Variants in SND1 observed in about 807,000 individuals in gnomAD.
The protein encoded by SND1 is staphylococcal nuclease and tudor domain containing 1.
SND1 carries 38 observed loss-of-function variants against 121.7 expected under a neutral mutation model. The observed-to-expected ratio is 0.31, with a 90% CI of 0.24 to 0.41. The LOEUF (loss-of-function observed/expected upper bound fraction) is 0.41, where lower values mean the gene tolerates loss of function less well. Among genes scored for constraint, SND1 ranks in the 10% least tolerant of loss-of-function variants. The probability of loss-of-function intolerance (pLI) is 1.00; values close to 1 mark genes in which losing one functional copy is unlikely to be tolerated. For missense variants in SND1, 868 were observed against 1,184.6 expected, an observed-to-expected ratio of 0.73 and a Z score of 3.92; for synonymous variants, 401 against 447.4, an observed-to-expected ratio of 0.90 and a Z score of 1.31.
intron 17 of SND1, among the ~76,000 whole-genome samples, chr7:128,075,333 C>A (rs1165649777): frequency 6.6e-6 from 1 of 152,210 alleles, no homozygotes; most frequent in Admixed American, 6.5e-5. Flanking sequence ...GATAAATCAG[C>A]TGGCCACCAA....
chr7:127,857,447 C>T (rs978814509), intron 12 of SND1, among the ~76,000 whole-genome samples: 3 of 150,560 alleles, frequency 2.0e-5, no homozygotes, highest in South Asian at 4.2e-4. Flanking sequence ...TCGTGATCCG[C>T]CCGCCTCGCC....
intron 15 of SND1, among the ~76,000 whole-genome samples, chr7:127,963,989 T>C (rs1801796645): frequency 6.6e-6 from 1 of 151,814 alleles, no homozygotes; most frequent in South Asian, 2.1e-4. Flanking sequence ...TTGATTTGCA[T>C]TTCTCTGATG....
At chr7:127,670,526 C>T (rs1795498177) in intron 1 of SND1, among the ~76,000 whole-genome samples, 1 of 152,172 alleles carries the variant, frequency 6.6e-6, no homozygotes, top group Non-Finnish European at 1.5e-5. Flanking sequence ...AAACCAAAAA[C>T]AGATTTAATG....
At chr7:127,795,502 T>C (rs1445564969) in intron 10 of SND1, among the ~76,000 whole-genome samples, 3 of 152,244 alleles carry the variant, frequency 2.0e-5, no homozygotes, top group African/African-American at 7.2e-5. Context: ...ATATTTTTAG[T>C]GTATCAGTTC....
chr7:128,090,238 G>A (rs1267868458), intron 22 of SND1, among the ~76,000 whole-genome samples: 2 of 152,214 alleles, frequency 1.3e-5, no homozygotes, highest in African/African-American at 4.8e-5. Context: ...CTTATGAAGT[G>A]AGGGGAGGAC....
At chr7:127,820,472 A>T (rs547251392) in intron 11 of SND1, among the ~76,000 whole-genome samples, 3 of 152,284 alleles carry the variant, frequency 2.0e-5, no homozygotes, top group Admixed American at 2.0e-4. Context: ...GACAAAGATG[A>T]GTCATGTTGC....
chr7:127,852,165 AAATAAAATAAAAT>A (rs1799175700), intron 12 of SND1, among the ~76,000 whole-genome samples: 1 of 80,658 alleles, frequency 1.2e-5, no homozygotes, highest in Admixed American at 1.3e-4. Flanking sequence ...GTCTCCAAAA[AAATAAAATAAAAT>A]AAATAAAATA....
In SND1 at chr7:127,887,955, G is replaced by A. The variant is rs986156374; in HGVS notation, c.1397G>A (p.Arg466Gln). The part of the protein sequence containing the change: ...SKGLATVIRY[R>Q]QDDDQRSSHY... Reference sequence around the variant, plus strand: ...GGTCTAGCCACAGTGATCAGATACCGGCAGGATGATGACCAGAGATCATCA... The same window carrying A: ...GGTCTAGCCACAGTGATCAGATACCAGCAGGATGATGACCAGAGATCATCA... Residue 466 changes from arginine to glutamine, a missense_variant, in exon 13 of 24, where the codon CGG becomes CAG. Arg to Gln is a conservative substitution (Grantham distance 43). This residue lies in a region of SND1 where 743 missense variants were observed against 1,071.3 expected (regional missense o/e 0.69). Coordinates refer to ENST00000354725, the MANE Select transcript of SND1 (RefSeq NM_014390.4). 5.6e-6 allele frequency: 9 copies of A among 1,612,250 alleles called. No individual in the cohort carries two copies. The highest frequency in any genetic ancestry group is 1.7e-5 in the Admixed American group (1 of 59,886).
intron 10 of SND1, among the ~76,000 whole-genome samples, chr7:127,796,128 GT>G (rs2116552676): frequency 6.6e-6 from 1 of 151,430 alleles, no homozygotes; most frequent in African/African-American, 2.4e-5. Flanking sequence ...AAGTGCTGAT[GT>G]TTTCTAATCT....
intron 13 of SND1, among the ~76,000 whole-genome samples, chr7:127,902,667 A>G (rs1468887767): frequency 6.6e-6 from 1 of 152,140 alleles, no homozygotes; most frequent in East Asian, 1.9e-4. Context: ...CTGAATGATA[A>G]ATCACTAGAG....
intron 10 of SND1, among the ~76,000 whole-genome samples, chr7:127,778,196 T>TATTC (rs1370745200): frequency 2.0e-5 from 3 of 151,828 alleles, no homozygotes; most frequent in African/African-American, 7.2e-5. Flanking sequence ...TTTATTTATT[T>TATTC]ATTTATTTAT....
intron 16 of SND1, chr7:127,998,402 A>C (rs948119408): frequency 6.2e-6 from 1 of 162,512 alleles, no homozygotes; most frequent in Non-Finnish European, 1.4e-5. Flanking sequence ...TGAGATAATG[A>C]TGAGTGTTTT....
At chr7:127,664,853 TTGG>T (rs907837466) in intron 1 of SND1, among the ~76,000 whole-genome samples, 2 of 152,200 alleles carry the variant, frequency 1.3e-5, no homozygotes, top group African/African-American at 4.8e-5. Context: ...AGAGGATTGC[TTGG>T]TGTGGAAAAA....
chr7:127,900,702 CA>C (rs1489872299), intron 13 of SND1, among the ~76,000 whole-genome samples: 2 of 152,222 alleles, frequency 1.3e-5, no homozygotes, highest in African/African-American at 4.8e-5. Flanking sequence ...CTCCTAGAAA[CA>C]ACCTAGAAAG....
chr7:127,916,367 T>C (rs1048241987), intron 14 of SND1, among the ~76,000 whole-genome samples: 2 of 152,154 alleles, frequency 1.3e-5, no homozygotes, highest in African/African-American at 4.8e-5. Flanking sequence ...TGGTTGATGG[T>C]GGTGCTCCTT....
chr7:127,701,257 G>A lies in SND1; in HGVS notation c.523G>A (p.Asp175Asn). ...GGGGAACGGTTCACATACTATCCGG[G>A]ATCTCAAGTATACCATTGAAAACCC... Reference protein sequence around the residue: ...SEGNGSHTIRDLKYTIENPRH... With the variant: ...SEGNGSHTIRNLKYTIENPRH... The change falls in exon 5 of 24, where the codon GAT becomes AAT. Residue 175 changes from aspartate to asparagine, a missense_variant. Physicochemically the swap from Asp to Asn is conservative, Grantham distance 23. Transcript: ENST00000354725. The A allele has an allele frequency of 6.2e-7, 1 of 1,614,050 alleles. No individual in the cohort carries two copies. The highest frequency in any genetic ancestry group is 8.5e-7 in the Non-Finnish European group (1 of 1,179,958).
At chr7:127,770,443 ATACCTGCACTAATTAGATCACTT>A (rs543166428) in intron 10 of SND1, among the ~76,000 whole-genome samples, 263 of 152,366 alleles carry the variant, frequency 1.7e-3, no homozygotes, top group Admixed American at 3.6e-3. Context: ...ATCATTTTGC[ATACCTGCACTAATTAGATCACTT>A]TACCTGCACT....
chr7:127,979,148 C>G (rs1383710411), intron 15 of SND1, among the ~76,000 whole-genome samples: 1 of 152,184 alleles, frequency 6.6e-6, no homozygotes. Context: ...TGAAAGCAGT[C>G]ATAGACAGCA....
At position 127,707,563 on chromosome 7, in the gene SND1, C is replaced by T. The variant is rs766014909; in HGVS notation, c.954C>T (p.Ala318=). 3 of 1,613,912 alleles carry T rather than the reference C, an allele frequency of 1.9e-6. No homozygotes were observed. Among genetic ancestry groups the T allele is most frequent in the Non-Finnish European group, 2.5e-6 (3 of 1,179,890 alleles). Residue 318 remains alanine, a synonymous_variant, in exon 9 of 24, where the codon GCC becomes GCT. Coordinates refer to ENST00000354725, the MANE Select transcript of SND1 (RefSeq NM_014390.4). ...AEKLRAAERF[A]KERRLRIWRD... ...ATCCTTGCTTTGTTGCCAGGTTTGC[C>T]AAAGAGCGCAGGCTGAGAATATGGA...
Sources: gnomAD v4.1 joint callset for allele counts (sites outside exome capture counted in the v4.1 genomes callset) on GRCh38, gnomAD v4.1.1 for gene constraint, gnomAD v4.1.1 regional missense constraint, MANE v1.5 for transcripts, NCBI Gene and HGNC (gene_info 2026-07-23, HGNC 2026-07-21) for gene names.